The following NMT2 variants were observed in gnomAD, a reference collection of about 807,000 sequenced individuals.
The protein encoded by NMT2 is glycylpeptide N-tetradecanoyltransferase 2.
NMT2 carries 35 observed loss-of-function variants against 65.4 expected under a neutral mutation model. The ratio of observed to expected loss-of-function variants is 0.54; its 90% confidence interval spans 0.41 to 0.71. The LOEUF is 0.71. Among genes scored for constraint, NMT2 ranks in the 30% least tolerant of loss-of-function variants. NMT2 has a pLI of 0.00. For synonymous variants in NMT2, 226 were observed against 231.8 expected, an observed-to-expected ratio of 0.98 and a Z score of 0.23; for missense variants, 489 against 611.3, an observed-to-expected ratio of 0.80 and a Z score of 2.11.
chr10:15,155,557 T>C (rs2131616066), intron 1 of NMT2, among the ~76,000 whole-genome samples: 1 of 140,474 alleles, frequency 7.1e-6, no homozygotes, highest in East Asian at 2.1e-4. Context: ...TTTTTTTTTT[T>C]TTTTTTGTAG....
At position 15,109,206 on chromosome 10, in the gene NMT2, C is replaced by T; in HGVS notation, c.1486G>A (p.Val496Ile). The T allele has an allele frequency of 6.2e-7, 1 of 1,603,964 alleles. No homozygotes were observed. Among genetic ancestry groups the T allele is most frequent in the Non-Finnish European group, 8.5e-7 (1 of 1,176,202 alleles). ...ATAAAAATATCCATCTATTGTAGTA[C>T]TAGTCCAACCTGAAGGGAGGGAAGA... is the stretch of plus-strand genomic sequence containing the variant. ...PGTDSEKVGL[V>I]LQ The change falls in exon 12 of 12, where the codon GTA (valine) becomes ATA (isoleucine). Residue 496 changes from valine to isoleucine, a missense_variant. Coordinates refer to ENST00000378165, the MANE Select transcript of NMT2 (RefSeq NM_004808.3).
intron 1 of NMT2, among the ~76,000 whole-genome samples, chr10:15,167,303 A>C (rs986059342): frequency 6.6e-6 from 1 of 152,164 alleles, no homozygotes; most frequent in African/African-American, 2.4e-5. Context: ...CTTTTTCTTC[A>C]TTTGTTAATA....
chr10:15,127,247 A>C (rs1327089764), intron 8 of NMT2, among the ~76,000 whole-genome samples: 1 of 142,438 alleles, frequency 7.0e-6, no homozygotes, highest in Non-Finnish European at 1.5e-5. Flanking sequence ...AAAATAAAAA[A>C]ATAAAAAAAA....
At chr10:15,136,700 C>G (rs529264327) in intron 2 of NMT2, among the ~76,000 whole-genome samples, 1 of 152,290 alleles carries the variant, frequency 6.6e-6, no homozygotes, top group Non-Finnish European at 1.5e-5. Flanking sequence ...CCTGGGCAAC[C>G]ATAGCCTGTC....
At chr10:15,136,400 G>A (rs76381848) in intron 2 of NMT2, among the ~76,000 whole-genome samples, 19,825 of 139,246 alleles carry the variant, frequency 0.14, 1,405 homozygotes, top group Middle Eastern at 0.26. Flanking sequence ...AAGGTAGGGG[G>A]GAGAGACAGA....
chr10:15,125,359 G>A (rs562116799), intron 8 of NMT2, among the ~76,000 whole-genome samples: 4 of 152,326 alleles, frequency 2.6e-5, no homozygotes, highest in African/African-American at 9.6e-5. Flanking sequence ...CTATACCCAG[G>A]AGAAGATTGA....
At chr10:15,160,071 T>A (rs2131628749) in intron 1 of NMT2, among the ~76,000 whole-genome samples, 1 of 152,208 alleles carries the variant, frequency 6.6e-6, no homozygotes, top group African/African-American at 2.4e-5. Flanking sequence ...CAGGAGACAC[T>A]CTCAGAAGCA....
In NMT2 at chr10:15,105,992, G is replaced by A; in HGVS notation, c.*3203C>T. The A allele has an allele frequency of 2.4e-6, 1 of 417,332 alleles. No homozygotes were observed. The highest frequency in any genetic ancestry group is 4.7e-6 in the Non-Finnish European group (1 of 211,564). 25.9% of individuals were successfully genotyped at this position (417,332 alleles called of 1,614,324 possible). On this transcript the variant is annotated 3_prime_UTR_variant, in exon 12 of 12. Transcript: ENST00000378165. ...GACAAAGTTTCCAACTGGCAATGCT[G>A]CAGTTATTTATTTTACTTTCGAGAT...
intron 1 of NMT2, among the ~76,000 whole-genome samples, chr10:15,162,651 A>G (rs984424425): frequency 1.3e-5 from 2 of 151,852 alleles, no homozygotes; most frequent in African/African-American, 4.8e-5. Context: ...ACACACACAC[A>G]TATTAAAAAG....
intron 1 of NMT2, among the ~76,000 whole-genome samples, chr10:15,156,026 T>C (rs1464716055): frequency 2.6e-5 from 4 of 152,216 alleles, no homozygotes; most frequent in African/African-American, 9.6e-5. Flanking sequence ...TAGGAATTGT[T>C]TCTGGAATTT....
intron 8 of NMT2, 112 bp downstream of exon 8, chr10:15,128,238 T>C (rs1846162809): frequency 2.9e-6 from 2 of 696,810 alleles, no homozygotes; most frequent in Non-Finnish European, 5.1e-6. Flanking sequence ...TCGCTCCATA[T>C]TCACTTCCTC....
At chr10:15,122,510 C>T (rs1053039632) in intron 8 of NMT2, among the ~76,000 whole-genome samples, 2 of 152,022 alleles carry the variant, frequency 1.3e-5, no homozygotes, top group African/African-American at 2.4e-5. Flanking sequence ...CTCTGCTTCC[C>T]GGGTTCAAGT....
chr10:15,129,153 A>G (rs1024378616), intron 7 of NMT2, among the ~76,000 whole-genome samples: 1 of 152,222 alleles, frequency 6.6e-6, no homozygotes, highest in Non-Finnish European at 1.5e-5. Flanking sequence ...CAGCCTACAC[A>G]CCAAAGAAAA....
In NMT2 at chr10:15,106,144, C is replaced by G. The variant is rs112764198; in HGVS notation, c.*3051G>C. 0.025 allele frequency: 6,539 copies of G among 257,230 alleles called. 436 individuals carry two copies. The highest frequency in any genetic ancestry group is 0.14 in the African/African-American group (6,122 of 42,304). 15.9% of individuals were successfully genotyped at this position (257,230 alleles called of 1,614,324 possible). On this transcript the variant is annotated 3_prime_UTR_variant, in exon 12 of 12. Coordinates refer to ENST00000378165, the MANE Select transcript of NMT2 (RefSeq NM_004808.3). ...GAATAGCTGGGATTACAGGTGCACA[C>G]CCCCATGTCCGGCTAGTTTTTGTAA...
chr10:15,123,022 C>T (rs1419615981), intron 8 of NMT2, among the ~76,000 whole-genome samples: 1 of 151,984 alleles, frequency 6.6e-6, no homozygotes, highest in Non-Finnish European at 1.5e-5. Flanking sequence ...TATCTTAGGT[C>T]TCTAAAGGTT....
intron 2 of NMT2, chr10:15,138,553 CAT>C (rs1286325853): frequency 2.2e-6 from 1 of 453,094 alleles, no homozygotes; most frequent in Non-Finnish European, 4.6e-6. Flanking sequence ...TTCTTCCACA[CAT>C]GCTTTCTGTG....
chr10:15,157,546 G>A (rs938018917), intron 1 of NMT2, among the ~76,000 whole-genome samples: 12 of 152,172 alleles, frequency 7.9e-5, no homozygotes, highest in African/African-American at 2.9e-4. Context: ...TCCAGAGAAA[G>A]GGGTGCTGAT....
At chr10:15,146,133 A>G (rs183671112) in intron 1 of NMT2, among the ~76,000 whole-genome samples, 2 of 152,186 alleles carry the variant, frequency 1.3e-5, no homozygotes. Flanking sequence ...TTCACTTGAA[A>G]GGTCCACAAA....
intron 10 of NMT2, among the ~76,000 whole-genome samples, chr10:15,112,508 C>A (rs1845596289): frequency 6.6e-6 from 1 of 151,538 alleles, no homozygotes; most frequent in African/African-American, 2.4e-5. Context: ...GGATTACAAG[C>A]CTGAGCCACC....
Sources: allele counts gnomAD v4.1 joint callset (sites outside exome capture counted in the v4.1 genomes callset), GRCh38; gene constraint gnomAD v4.1.1; transcripts MANE v1.5; gene names NCBI Gene and HGNC (gene_info 2026-07-23, HGNC 2026-07-21).